SUPT20H: variants seen among roughly 807,000 people sequenced by gnomAD.
The protein encoded by SUPT20H is SPT20 homolog, SAGA complex component.
Under a neutral mutation model 122.8 loss-of-function variants are expected in SUPT20H, and 82 were observed. That is an observed-to-expected ratio of 0.67 (90% CI 0.56 to 0.80). SUPT20H has a LOEUF of 0.80. Ranked by LOEUF, SUPT20H falls within the 30% of genes least tolerant of loss-of-function variation. SUPT20H has a pLI of 0.00. For synonymous variants in SUPT20H, 291 were observed against 313.0 expected, an observed-to-expected ratio of 0.93 and a Z score of 0.74; for missense variants, 831 against 921.6, an observed-to-expected ratio of 0.90 and a Z score of 1.27.
rs373386513 is a variant in SUPT20H, at chr13:37,033,527, T to A, written c.629A>T (p.Asp210Val). The change falls in exon 10 of 26, where the codon GAT (aspartate) becomes GTT (valine). Residue 210 changes from aspartate to valine, a missense_variant. Coordinates refer to ENST00000350612, the MANE Select transcript of SUPT20H (RefSeq NM_001014286.3). ...AGTGCAGGTGACTGCTATAGAAGGA[T>A]CAAGACAGAGTGGTTCAGCTGTAGC... ...ILATAEPLCL[D>V]PSIAVTCTAN... is the part of the protein sequence containing the mutation. 8 of 1,613,742 alleles carry A rather than the reference T, an allele frequency of 5.0e-6. No homozygotes were observed. Among genetic ancestry groups the A allele is most frequent in the South Asian group, 1.1e-5 (1 of 90,952 alleles).
Position 37,022,649 on chromosome 13 carries a change from A to G in SUPT20H, c.1592-569T>C, listed in dbSNP as rs757729950. 103 of 1,030,804 alleles carry G rather than the reference A, an allele frequency of 1.0e-4. No homozygotes were observed. The highest frequency in any genetic ancestry group is 1.2e-4 in the Non-Finnish European group (99 of 859,534). The allele number at this position is 1,030,804 out of a possible 1,614,324, so 63.9% of individuals were successfully genotyped here. A position where few individuals can be genotyped will look rare whatever the true frequency, so the allele number is the denominator to read the frequency against. ...AAAAAGTTCAAAACGAATTCAAATT[A>G]ATTTGTTATTTACGATTTCACTAAT... is the stretch of plus-strand genomic sequence containing the variant. On this transcript the variant is annotated intron_variant, in intron 19 of 25. Coordinates refer to ENST00000350612, the MANE Select transcript of SUPT20H (RefSeq NM_001014286.3). This position sits in a 1 kb window ranked among gnomAD's most constrained non-coding sequence, Gnocchi z 4.5.
At position 37,024,188 on chromosome 13, in the gene SUPT20H, A is replaced by G; in HGVS notation, c.1438T>C (p.Tyr480His). The G allele has an allele frequency of 1.2e-6, 2 of 1,610,210 alleles. No homozygotes were observed. Among genetic ancestry groups the G allele is most frequent in the Non-Finnish European group, 1.7e-6 (2 of 1,178,504 alleles). ...CTGCTTGTCTGTTGTGGTGTAAAATAGTTACCTAGAAGAACATAAAAGTTA... is the reference window on the plus strand; with the variant it reads ...CTGCTTGTCTGTTGTGGTGTAAAATGGTTACCTAGAAGAACATAAAAGTTA... ...SSSGNSSSGN[Y>H]FTPQQTSSFL... is the part of the protein sequence containing the mutation. Residue 480 changes from tyrosine to histidine, a missense_variant, in exon 19 of 26, where the codon TAT becomes CAT. Transcript: ENST00000350612.
intron 10 of SUPT20H, among the ~76,000 whole-genome samples, 170 bp from the exon 11 acceptor site, chr13:37,032,065 C>T (rs1445698912): frequency 6.6e-6 from 1 of 151,982 alleles, no homozygotes; most frequent in Non-Finnish European, 1.5e-5. Flanking sequence ...ATGAATAGGA[C>T]AAACAAAATT....
chr13:37,033,732 T>C (rs1425094760), intron 9 of SUPT20H, 144 bp from the exon 10 acceptor site: 1 of 905,300 alleles, frequency 1.1e-6, no homozygotes, highest in Non-Finnish European at 1.5e-6. Context: ...AATGTTAGTG[T>C]GCATGTAAAC....
intron 20 of SUPT20H, 102 bp from the exon 21 acceptor site, chr13:37,021,704 T>C (rs1336752133): frequency 2.4e-6 from 3 of 1,252,158 alleles, no homozygotes; most frequent in Non-Finnish European, 3.2e-6. Context: ...CAAACACAAC[T>C]AGTTATTTAT....
At chr13:37,053,691 TAA>T (rs113112502) in intron 1 of SUPT20H, among the ~76,000 whole-genome samples, 1 of 140,532 alleles carries the variant, frequency 7.1e-6, no homozygotes. Context: ...AAACTAAAAT[TAA>T]AAAAAAAAAA....
At chr13:37,037,793 A>C (rs2064766597) in intron 9 of SUPT20H, among the ~76,000 whole-genome samples, 1 of 152,216 alleles carries the variant, frequency 6.6e-6, no homozygotes, top group Non-Finnish European at 1.5e-5. Flanking sequence ...TATTTTACTG[A>C]ATCCTATTAT....
At chr13:37,028,507 A>C (rs886409760) in intron 13 of SUPT20H, among the ~76,000 whole-genome samples, 1 of 152,218 alleles carries the variant, frequency 6.6e-6, no homozygotes, top group African/African-American at 2.4e-5. Flanking sequence ...ATGGGCACTC[A>C]GCATGCATTT....
At chr13:37,055,798 A>G (rs1159214937) in intron 1 of SUPT20H, among the ~76,000 whole-genome samples, 1 of 152,242 alleles carries the variant, frequency 6.6e-6, no homozygotes, top group African/African-American at 2.4e-5. Context: ...GCTTCTGCAC[A>G]GCAAAAGAAA....
Position 37,028,237 on chromosome 13 carries a change from G to C in SUPT20H, c.1062C>G (p.Ile354Met). The C allele has an allele frequency of 6.2e-7, 1 of 1,613,526 alleles. No individual in the cohort carries two copies. Among genetic ancestry groups the C allele is most frequent in the Non-Finnish European group, 8.5e-7 (1 of 1,179,756 alleles). Residue 354 changes from isoleucine to methionine, a missense_variant, in exon 14 of 26, where the codon ATC becomes ATG. Physicochemically the swap from Ile to Met is conservative, Grantham distance 10. Coordinates refer to ENST00000350612, the MANE Select transcript of SUPT20H (RefSeq NM_001014286.3). ...GTQYQKTKLT[I>M]LQSLGDPLYY... ...AAAGTGGATCTCCAAGCGACTGCAA[G>C]ATGGTCAGCTTTGTTTTCTGATACT...
At chr13:37,019,285 T>C (rs2061076917) in intron 22 of SUPT20H, 57 bp downstream of exon 22, 2 of 1,349,502 alleles carry the variant, frequency 1.5e-6, no homozygotes, top group Non-Finnish European at 2.1e-6. Flanking sequence ...ATATACATTG[T>C]TTAGAAAAAA....
chr13:37,035,346 A>G (rs1313603505), intron 9 of SUPT20H, among the ~76,000 whole-genome samples: 1 of 152,176 alleles, frequency 6.6e-6, no homozygotes, highest in East Asian at 1.9e-4. Context: ...AGTTGATTCC[A>G]ACCTTCATGG....
intron 14 of SUPT20H, 21 bp downstream of exon 14, chr13:37,028,127 C>CTTG: frequency 6.6e-7 from 1 of 1,519,448 alleles, no homozygotes; most frequent in Non-Finnish European, 8.8e-7. Context: ...TTTCCAGTTA[C>CTTG]TTGTATTTAA....
At chr13:37,057,563 G>T (rs1293357351) in intron 1 of SUPT20H, among the ~76,000 whole-genome samples, 1 of 151,716 alleles carries the variant, frequency 6.6e-6, no homozygotes, top group African/African-American at 2.4e-5. Flanking sequence ...GGCCAGGTGG[G>T]GTGTGGCTCA....
Position 37,024,341 on chromosome 13 carries a change from T to C in SUPT20H, c.1431A>G (p.Ser477=). The C allele has an allele frequency of 6.3e-7, 1 of 1,576,172 alleles. No homozygotes were observed. The highest frequency in any genetic ancestry group is 8.6e-7 in the Non-Finnish European group (1 of 1,166,060). ...KLPSSSGNSS[S]GNYFTPQQTS... ...GCAAAAAACTAAGAAATGTAATACC[T>C]GAGGAACTATTTCCTGAGCTTGAGG... Residue 477 remains serine, a splice_region_variant and synonymous_variant, in exon 18 of 26, where the codon TCA becomes TCG. Transcript: ENST00000350612.
At chr13:37,058,179 T>C (rs2069651054) in intron 1 of SUPT20H, among the ~76,000 whole-genome samples, 1 of 151,900 alleles carries the variant, frequency 6.6e-6, no homozygotes, top group African/African-American at 2.4e-5. Flanking sequence ...GGCAGGAGAA[T>C]GGCTTGAACT....
Position 37,009,433 on chromosome 13 carries a change from T to C in SUPT20H, c.*239A>G. ...TCTATTATTTCTTAGGTCACTTCCA[T>C]ATATATTATGTATAGTGAAACCATT... On this transcript the variant is annotated 3_prime_UTR_variant, in exon 26 of 26. Coordinates refer to ENST00000350612, the MANE Select transcript of SUPT20H (RefSeq NM_001014286.3). The C allele has an allele frequency of 4.1e-6, 3 of 735,268 alleles. No homozygotes were observed. The highest frequency in any genetic ancestry group is 6.8e-6 in the Non-Finnish European group (3 of 444,394). The allele number at this position is 735,268 out of a possible 1,614,324, so 45.5% of individuals were successfully genotyped here.
chr13:37,011,249 CTG>C (rs147502342), intron 24 of SUPT20H, among the ~76,000 whole-genome samples: 11,255 of 152,142 alleles, frequency 0.074, 1,402 homozygotes, highest in African/African-American at 0.26. Context: ...GTATGGCAGT[CTG>C]TGGCTAAGAA....
At chr13:37,015,852 G>A (rs1344287352) in intron 23 of SUPT20H, among the ~76,000 whole-genome samples, 2 of 152,130 alleles carry the variant, frequency 1.3e-5, no homozygotes, top group Non-Finnish European at 2.9e-5. Context: ...AAAAAGGAAG[G>A]TGATTCTGAC....
Sources: gnomAD v4.1 joint callset for allele counts (sites outside exome capture counted in the v4.1 genomes callset) on GRCh38, gnomAD v4.1.1 for gene constraint, Gnocchi (gnomAD v3.1) non-coding constraint, MANE v1.5 for transcripts, NCBI Gene and HGNC (gene_info 2026-07-23, HGNC 2026-07-21) for gene names.